Variants in TLK2 observed in about 807,000 individuals in gnomAD.
TLK2 encodes the protein tousled like kinase 2, also known as serine/threonine-protein kinase tousled-like 2.
A neutral mutation model predicts 117.3 loss-of-function variants in TLK2; 6 were observed. That is an observed-to-expected ratio of 0.05 (90% CI 0.03 to 0.10). The LOEUF (loss-of-function observed/expected upper bound fraction) is 0.10, where lower values mean the gene tolerates loss of function less well. Among genes scored for constraint, TLK2 ranks in the 10% least tolerant of loss-of-function variants. The pLI is 1.00. For missense variants in TLK2, 299 were observed against 901.2 expected (o/e 0.33, Z 8.56); for synonymous variants, 257 against 316.7 (o/e 0.81, Z 2.00).
chr17:62,520,675 CT>C, intron 2 of TLK2, 97 bp from the exon 3 acceptor site: 2 of 1,000,696 alleles, frequency 2.0e-6, no homozygotes, highest in Non-Finnish European at 2.7e-6. Flanking sequence ...GAAACTCTGT[CT>C]AAAAAAAAAA....
At chr17:62,582,704 G>A (rs1369112492) in intron 15 of TLK2, among the ~76,000 whole-genome samples, 1 of 152,068 alleles carries the variant, frequency 6.6e-6, no homozygotes, top group African/African-American at 2.4e-5. Context: ...GTTCAGTAAA[G>A]TACATTCACA....
chr17:62,535,451 G>A (rs1208890148), intron 6 of TLK2, among the ~76,000 whole-genome samples: 1 of 152,124 alleles, frequency 6.6e-6, no homozygotes. Context: ...AGAATTGAGA[G>A]TGAAATAAGC....
chr17:62,486,917 T>C (rs538596543), intron 2 of TLK2, among the ~76,000 whole-genome samples: 2 of 152,374 alleles, frequency 1.3e-5, no homozygotes, highest in South Asian at 4.1e-4. Flanking sequence ...AGTTGAATTA[T>C]AGCCATGTCA....
At chr17:62,504,463 G>A (rs1360839901) in intron 2 of TLK2, among the ~76,000 whole-genome samples, 1 of 152,074 alleles carries the variant, frequency 6.6e-6, no homozygotes, top group African/African-American at 2.4e-5. Flanking sequence ...TCATACCCTT[G>A]GACCATCCCA....
intron 7 of TLK2, among the ~76,000 whole-genome samples, chr17:62,543,507 C>T (rs1439449029): frequency 2.0e-5 from 3 of 152,170 alleles, no homozygotes; most frequent in Non-Finnish European, 4.4e-5. Flanking sequence ...TTGCTATTGT[C>T]TCTCTTTTTC....
intron 2 of TLK2, among the ~76,000 whole-genome samples, chr17:62,492,377 T>C (rs2073191458): frequency 1.3e-5 from 2 of 152,046 alleles, no homozygotes; most frequent in Non-Finnish European, 2.9e-5. Flanking sequence ...AACATTTTTC[T>C]AAAAATAGTC....
chr17:62,604,903 C>T (rs1421116720), intron 19 of TLK2, among the ~76,000 whole-genome samples: 4 of 151,998 alleles, frequency 2.6e-5, no homozygotes, highest in Admixed American at 6.6e-5. Context: ...TATTTTTCTG[C>T]ATTTGGATGA....
chr17:62,509,382 C>G (rs1598293882), intron 2 of TLK2, among the ~76,000 whole-genome samples: 3 of 152,170 alleles, frequency 2.0e-5, no homozygotes, highest in South Asian at 4.1e-4. Flanking sequence ...AGCCACCACT[C>G]CTGGTCTCTC....
intron 7 of TLK2, among the ~76,000 whole-genome samples, chr17:62,548,240 A>ATATATATATATGTG (rs368516607): frequency 8.2e-6 from 1 of 121,234 alleles, no homozygotes; most frequent in Non-Finnish European, 1.7e-5. Flanking sequence ...ATATATATAT[A>ATATATATATATGTG]TGTGTGTGTG....
chr17:62,503,786 T>C (rs1329011645), intron 2 of TLK2, among the ~76,000 whole-genome samples: 1 of 149,646 alleles, frequency 6.7e-6, no homozygotes, highest in Non-Finnish European at 1.5e-5. Flanking sequence ...TGGAGTGTAA[T>C]GGCGTGATCT....
chr17:62,566,984 T>C (rs1224062516), intron 11 of TLK2, among the ~76,000 whole-genome samples: 2 of 152,200 alleles, frequency 1.3e-5, no homozygotes, highest in Non-Finnish European at 2.9e-5. Context: ...TCCCAGCACT[T>C]TGGGAGGCCG....
intron 2 of TLK2, among the ~76,000 whole-genome samples, chr17:62,495,707 G>A (rs1014429684): frequency 4.0e-5 from 6 of 150,510 alleles, no homozygotes; most frequent in African/African-American, 1.5e-4. Flanking sequence ...CACCCAGGCT[G>A]GAGGGCAATG....
At chr17:62,581,193 G>A (rs2081192315) in intron 15 of TLK2, among the ~76,000 whole-genome samples, 2 of 152,086 alleles carry the variant, frequency 1.3e-5, no homozygotes, top group African/African-American at 2.4e-5. Context: ...TCTAGAGACG[G>A]GGTCTTGCTA....
intron 2 of TLK2, among the ~76,000 whole-genome samples, chr17:62,518,510 C>T (rs1397653795): frequency 6.6e-6 from 1 of 152,054 alleles, no homozygotes; most frequent in Non-Finnish European, 1.5e-5. Context: ...TCCAGACCAG[C>T]ATGGCCAACA....
chr17:62,556,385 G>A (rs934597413), intron 9 of TLK2, among the ~76,000 whole-genome samples: 1 of 151,836 alleles, frequency 6.6e-6, no homozygotes, highest in African/African-American at 2.4e-5. Context: ...TATAGTTTTT[G>A]TTTTATCTGT....
At chr17:62,554,133 T>C (rs2078674414) in intron 9 of TLK2, among the ~76,000 whole-genome samples, 1 of 152,250 alleles carries the variant, frequency 6.6e-6, no homozygotes, top group African/African-American at 2.4e-5. Flanking sequence ...ATTTTGCTTT[T>C]TGTACCTTTT....
In TLK2 at chr17:62,576,848, C is replaced by G. The variant is rs934212618; in HGVS notation, c.1188+73C>G. 15 of 1,204,806 alleles carry G rather than the reference C, an allele frequency of 1.2e-5. No individual in the cohort carries two copies. The Admixed American group carries it at 2.7e-4, about 22-fold the overall frequency. 74.6% of individuals were successfully genotyped at this position (1,204,806 alleles called of 1,614,324 possible). A position where few individuals can be genotyped will look rare whatever the true frequency, so the allele number is the denominator to read the frequency against. ...AAATTTGGGGTTGAAGCTATTTGGT[C>G]ATTTGGGTGAATGTAATAGTAGCTG... is the stretch of plus-strand genomic sequence containing the variant. On this transcript the variant is annotated intron_variant, in intron 13 of 21. Transcript: ENST00000346027.
intron 6 of TLK2, among the ~76,000 whole-genome samples, chr17:62,534,109 C>T (rs954015273): frequency 2.8e-4 from 43 of 152,062 alleles, no homozygotes; most frequent in African/African-American, 1.0e-3. Flanking sequence ...TTTCACTATC[C>T]GGTCAAGTTT....
chr17:62,487,979 G>A (rs1223997116), intron 2 of TLK2, among the ~76,000 whole-genome samples: 3 of 150,402 alleles, frequency 2.0e-5, no homozygotes, highest in East Asian at 2.0e-4. Context: ...CACTCTTGTC[G>A]CCCAGGCTGG....
Sources: gnomAD v4.1 joint callset for allele counts (sites outside exome capture counted in the v4.1 genomes callset) on GRCh38, gnomAD v4.1.1 for gene constraint, MANE v1.5 for transcripts, NCBI Gene and HGNC (gene_info 2026-07-23, HGNC 2026-07-21) for gene names.